Variants in MIER3 observed in about 807,000 individuals in gnomAD.
MIER3 encodes the protein mesoderm induction early response protein 3.
In MIER3, 9 loss-of-function variants were observed where a neutral mutation model predicts 63.2. The observed-to-expected ratio is 0.14, with a 90% CI of 0.09 to 0.25. The LOEUF is 0.25. Among genes scored for constraint, MIER3 ranks in the 10% least tolerant of loss-of-function variants. MIER3 has a pLI of 1.00. For missense variants in MIER3, 512 were observed against 666.2 expected, an observed-to-expected ratio of 0.77 and a Z score of 2.55; for synonymous variants, 205 against 224.9, an observed-to-expected ratio of 0.91 and a Z score of 0.79.
chr5:56,943,887 C>G (rs78736364), intron 3 of MIER3, among the ~76,000 whole-genome samples: 1 of 152,074 alleles, frequency 6.6e-6, no homozygotes, highest in African/African-American at 2.4e-5. Context: ...TTTTGTTGAA[C>G]CTATTTACAT....
At chr5:56,944,723 AG>A (rs1750769381) in intron 3 of MIER3, among the ~76,000 whole-genome samples, 2 of 152,108 alleles carry the variant, frequency 1.3e-5, no homozygotes, top group Non-Finnish European at 2.9e-5. Context: ...ACAGGGTCTC[AG>A]TCTGTCACAT....
intron 3 of MIER3, 151 bp from the exon 4 acceptor site, chr5:56,939,168 C>T: frequency 1.4e-6 from 1 of 737,828 alleles, no homozygotes; most frequent in Non-Finnish European, 2.0e-6. Context: ...GTGCTGTTGT[C>T]AGAAAACAGG....
chr5:56,947,070 A>G lies in MIER3; in HGVS notation c.36T>C (p.Val12=), dbSNP rs1750850225. 6.2e-7 allele frequency: 1 copy of G among 1,603,274 alleles called. No individual in the cohort carries two copies. Among genetic ancestry groups the G allele is most frequent in the Non-Finnish European group, 8.5e-7 (1 of 1,177,012 alleles). The change falls in exon 3 of 13, where the codon GTT becomes GTC. Residue 12 remains valine (V), a splice_region_variant and synonymous_variant. Coordinates refer to ENST00000381199, the MANE Select transcript of MIER3 (RefSeq NM_001297599.2). The part of the protein sequence containing the change: ...AEASFGSSSP[V]GSLSSEDHDF... ...CATGATCCTCAGAAGACAAAGACCC[A>G]ACTGGAATAAAACAAACTGAATCAC...
Position 56,923,347 on chromosome 5 carries a change from T to C in MIER3, c.1434A>G (p.Pro478=), listed in dbSNP as rs1381502401. The C allele has an allele frequency of 3.1e-6, 5 of 1,614,204 alleles. No homozygotes were observed. The South Asian group carries it at 3.3e-5, about 11-fold the overall frequency. The change falls in exon 13 of 13, where the codon CCA becomes CCG. Residue 478 remains proline, a synonymous_variant. Coordinates refer to ENST00000381199, the MANE Select transcript of MIER3 (RefSeq NM_001297599.2). The stretch of plus-strand genomic sequence containing the variant: ...CAATGCCCATTTTCAATCTTTTTGC[T>C]GGTCTCTCTGACTCTTCACTGCACA... ...MNMCSEESER[P]AKRLKMGIAV... is the part of the protein sequence containing the mutation.
Position 56,937,688 on chromosome 5 carries a change from G to C in MIER3, c.326C>G (p.Ala109Gly). 6.2e-7 allele frequency: 1 copy of C among 1,606,388 alleles called. No homozygotes were observed. Among genetic ancestry groups the C allele is most frequent in the Non-Finnish European group, 8.5e-7 (1 of 1,175,996 alleles). Residue 109 changes from alanine to glycine, a missense_variant, in exon 5 of 13, where the codon GCA (alanine) becomes GGA (glycine). By Grantham distance (60) the Ala-to-Gly change is moderately conservative. Coordinates refer to ENST00000381199, the MANE Select transcript of MIER3 (RefSeq NM_001297599.2). ...PDMTLDKEEI[A>G]KDLLSGDDEE... ...GTCATCACCTGACAACAGGTCTTTT[G>C]CTATTTCCTCCTGGAAGAATAAGAA...
chr5:56,924,320 C>T (rs537251606), intron 10 of MIER3, among the ~76,000 whole-genome samples: 2 of 152,192 alleles, frequency 1.3e-5, no homozygotes, highest in Admixed American at 1.3e-4. Flanking sequence ...AATTATCTTA[C>T]ACCTTCACTG....
At chr5:56,951,440 C>T (rs1466506529) in intron 1 of MIER3, among the ~76,000 whole-genome samples, 1 of 152,174 alleles carries the variant, frequency 6.6e-6, no homozygotes, top group Non-Finnish European at 1.5e-5. Context: ...TATCAAGCCG[C>T]TCTCCTGGAG....
intron 2 of MIER3, among the ~76,000 whole-genome samples, chr5:56,950,364 G>A (rs1750976389): frequency 6.6e-6 from 1 of 152,158 alleles, no homozygotes; most frequent in Admixed American, 6.6e-5. Context: ...GGAAAAATAA[G>A]ATATGTAATA....
chr5:56,942,435 T>G (rs912771116), intron 3 of MIER3, among the ~76,000 whole-genome samples: 3 of 152,192 alleles, frequency 2.0e-5, no homozygotes, highest in Non-Finnish European at 4.4e-5. Flanking sequence ...ATACAAGGAA[T>G]GAAAGCAACA....
intron 3 of MIER3, chr5:56,941,721 C>T (rs1271257337): frequency 1.3e-5 from 2 of 152,118 alleles, no homozygotes; most frequent in Non-Finnish European, 1.5e-5. Context: ...AAGGGAGTAC[C>T]ATGGCATTAT....
At chr5:56,934,194 G>A (rs1185064094) in intron 7 of MIER3, among the ~76,000 whole-genome samples, 3 of 151,886 alleles carry the variant, frequency 2.0e-5, no homozygotes, top group Non-Finnish European at 2.9e-5. Context: ...ATAATTTACC[G>A]AGAACACACT....
chr5:56,923,544 C>A lies in MIER3; in HGVS notation c.1237G>T (p.Val413Leu). The A allele has an allele frequency of 6.2e-7, 1 of 1,614,100 alleles. No homozygotes were observed. The highest frequency in any genetic ancestry group is 8.5e-7 in the Non-Finnish European group (1 of 1,179,980). ...GGAAAGCTATCATCCAAACAATTCA[C>A]ATCTGTGGGGTCGCAGACGGTTGCT... is the stretch of plus-strand genomic sequence containing the variant. ...SVATVCDPTD[V>L]NCLDDSFPPL... The change falls in exon 13 of 13, where the codon GTG becomes TTG. Residue 413 changes from valine to leucine, a missense_variant. By Grantham distance (32) the Val-to-Leu change is conservative. Transcript: ENST00000381199.
At chr5:56,928,937 C>T in intron 9 of MIER3, 76 bp from the exon 10 acceptor site, 1 of 989,532 alleles carries the variant, frequency 1.0e-6, no homozygotes. Flanking sequence ...AGTATGTTTT[C>T]CCTGTAAAAG....
intron 10 of MIER3, chr5:56,928,386 A>C (rs1342569719): frequency 6.5e-6 from 1 of 154,862 alleles, no homozygotes; most frequent in Non-Finnish European, 1.4e-5. Context: ...ATATGTTTCT[A>C]GTTGTTTTAG....
In MIER3 at chr5:56,920,923, T is replaced by A. The variant is rs532995455; in HGVS notation, c.*2205A>T. 1.3e-5 allele frequency: 2 copies of A among 152,676 alleles called. No homozygotes were observed. The highest frequency in any genetic ancestry group is 3.9e-4 in the East Asian group (2 of 5,190). The allele number at this position is 152,676 out of a possible 1,614,324, so 9.5% of individuals were successfully genotyped here. The stretch of plus-strand genomic sequence containing the variant: ...CTAAAATCAGATTGACATTTAAAAA[T>A]CTATTAAACTAGCTGGAATTTATTT... On this transcript the variant is annotated 3_prime_UTR_variant, in exon 13 of 13. Coordinates refer to ENST00000381199, the MANE Select transcript of MIER3 (RefSeq NM_001297599.2).
rs370145330 is a variant in MIER3, at chr5:56,923,977, A to G, written c.990T>C (p.Tyr330=). 3.7e-5 allele frequency: 60 copies of G among 1,613,988 alleles called. No homozygotes were observed. The highest frequency in any genetic ancestry group is 5.0e-5 in the Non-Finnish European group (59 of 1,179,990). The change falls in exon 11 of 13, where the codon TAT becomes TAC. Residue 330 remains tyrosine (Y), a synonymous_variant. Coordinates refer to ENST00000381199, the MANE Select transcript of MIER3 (RefSeq NM_001297599.2). ...ATCTTGTCTGTTGAGCAAAGTAATC[A>G]TAACGTTCAGATTTCTTCCACATAT... The part of the protein sequence containing the change: ...FYYMWKKSER[Y]DYFAQQTRFG...
Position 56,922,512 on chromosome 5 carries a change from T to C in MIER3, c.*616A>G, listed in dbSNP as rs144432702. ...CTTCCATAAAGATGGACTTGCTGTT[T>C]TGTAAACTGAAGTGCTCTAGTTGAA... On this transcript the variant is annotated 3_prime_UTR_variant, in exon 13 of 13. Transcript: ENST00000381199. 3 of 152,998 alleles carry C rather than the reference T, an allele frequency of 2.0e-5. No homozygotes were observed. Among genetic ancestry groups the C allele is most frequent in the Non-Finnish European group, 2.9e-5 (2 of 68,220 alleles). The allele number at this position is 152,998 out of a possible 1,614,324, so 9.5% of individuals were successfully genotyped here. A position where few individuals can be genotyped will look rare whatever the true frequency, so the allele number is the denominator to read the frequency against.
At chr5:56,948,810 C>CT (rs1255977936) in intron 2 of MIER3, among the ~76,000 whole-genome samples, 14 of 152,206 alleles carry the variant, frequency 9.2e-5, no homozygotes, top group African/African-American at 3.4e-4. Flanking sequence ...GATGCTGACT[C>CT]TTTCACCTCT....
intron 1 of MIER3, among the ~76,000 whole-genome samples, chr5:56,951,446 T>G (rs71624145): frequency 0.02 from 2,968 of 152,160 alleles, 37 homozygotes; most frequent in Non-Finnish European, 0.031. Context: ...GCCGCTCTCC[T>G]GGAGAGGGCG....
Sources: allele counts gnomAD v4.1 joint callset (sites outside exome capture counted in the v4.1 genomes callset), GRCh38; gene constraint gnomAD v4.1.1; transcripts MANE v1.5; gene names NCBI Gene and HGNC (gene_info 2026-07-23, HGNC 2026-07-21).